PRKDC: variants seen among roughly 807,000 people sequenced by gnomAD.
PRKDC encodes DNA-dependent protein kinase catalytic subunit.
A neutral mutation model predicts 486.9 loss-of-function variants in PRKDC; 82 were observed. The observed-to-expected ratio is 0.17, with a 90% CI of 0.14 to 0.20. PRKDC has a LOEUF of 0.20. Among genes scored for constraint, PRKDC ranks in the 10% least tolerant of loss-of-function variants. PRKDC has a pLI of 1.00. For synonymous variants in PRKDC, 1,895 were observed against 1,837.0 expected (o/e 1.03, Z -0.81); for missense variants, 4,504 against 5,038.2 (o/e 0.89, Z 3.21).
chr8:47,814,965 C>T (rs369703405), intron 68 of PRKDC, among the ~76,000 whole-genome samples: 1 of 152,026 alleles, frequency 6.6e-6, no homozygotes, highest in Non-Finnish European at 1.5e-5. Flanking sequence ...GAGTTACATA[C>T]CATCCTGGGC....
rs8178083 is a variant in PRKDC at position 47,898,709 on chromosome 8, G to A, written c.3365-140C>T. ...AGATTTAATATGTTTTCATCCCTAA[G>A]AATAATAAAATTAGATAAATGATTC... On this transcript the variant is annotated intron_variant, in intron 28 of 85. Transcript: ENST00000314191. 1.4e-5 allele frequency: 7 copies of A among 506,314 alleles called. No individual in the cohort carries two copies. In the South Asian group the frequency reaches 2.0e-4, roughly 14 times the overall value. 31.4% of individuals were successfully genotyped at this position (506,314 alleles called of 1,614,324 possible). A position where few individuals can be genotyped will look rare whatever the true frequency, so the allele number is the denominator to read the frequency against.
intron 40 of PRKDC, among the ~76,000 whole-genome samples, chr8:47,865,752 T>C (rs1421044564): frequency 3.3e-5 from 5 of 152,084 alleles, no homozygotes; most frequent in African/African-American, 7.2e-5. Flanking sequence ...TTGGGTACTA[T>C]AATGGACTGA....
chr8:47,898,922 G>A (rs8178082), intron 28 of PRKDC, among the ~76,000 whole-genome samples: 1 of 152,198 alleles, frequency 6.6e-6, no homozygotes, highest in African/African-American at 2.4e-5. Context: ...AGACTTTGCA[G>A]GTATTACAAA....
chr8:47,912,611 CAA>C, intron 24 of PRKDC, 49 bp from the exon 25 acceptor site: 1 of 1,475,594 alleles, frequency 6.8e-7, no homozygotes, highest in Non-Finnish European at 9.1e-7. Context: ...ACGTTGATGA[CAA>C]GAGAATATTT....
At chr8:47,887,870 T>C (rs922695368) in intron 34 of PRKDC, among the ~76,000 whole-genome samples, 165 bp from the exon 35 acceptor site, 4 of 152,230 alleles carry the variant, frequency 2.6e-5, no homozygotes, top group African/African-American at 7.2e-5. Flanking sequence ...GTTCTTGCTA[T>C]TGTGAGACAG....
At chr8:47,834,174 C>G (rs1043266431) in intron 59 of PRKDC, 22 bp downstream of exon 59, 2 of 1,613,668 alleles carry the variant, frequency 1.2e-6, no homozygotes, top group African/African-American at 2.7e-5. Context: ...CTATTTTAAG[C>G]ACACTCAGCA....
In PRKDC at chr8:47,778,252, GATGATATCACTGATCACC is replaced by G. The variant is rs2086639857; in HGVS notation, c.11853+189_11853+206del. On this transcript the variant is annotated intron_variant, in intron 83 of 85. Transcript: ENST00000314191. ...GCGAACACATTTAATTACCGGCTCT[GATGATATCACTGATCACC>G]ATGACTTCTGTGACCTGACTGAATG... is the stretch of plus-strand genomic sequence containing the variant. Among the ~76,000 whole-genome samples, 3 of 152,280 alleles carry G rather than the reference GATGATATCACTGATCACC, an allele frequency of 2.0e-5. No homozygotes were observed. In the South Asian group the frequency reaches 6.2e-4, roughly 32 times the overall value.
At chr8:47,916,636 G>A (rs529861066) in intron 22 of PRKDC, among the ~76,000 whole-genome samples, 1 of 152,260 alleles carries the variant, frequency 6.6e-6, no homozygotes, top group African/African-American at 2.4e-5. Flanking sequence ...ACCTCAGTGT[G>A]CCTTTCAGTT....
intron 70 of PRKDC, among the ~76,000 whole-genome samples, chr8:47,801,363 T>G (rs964429732): frequency 6.6e-6 from 1 of 152,238 alleles, no homozygotes; most frequent in Admixed American, 6.5e-5. Context: ...TGAGCCAACA[T>G]GCTTGGCCTA....
At chr8:47,796,609 GT>G (rs1177283373) in intron 73 of PRKDC, among the ~76,000 whole-genome samples, 1 of 147,090 alleles carries the variant, frequency 6.8e-6, no homozygotes, top group Non-Finnish European at 1.5e-5. Context: ...TGTTGTTGTT[GT>G]TTTTTTTGAG....
chr8:47,799,389 A>T lies in PRKDC; in HGVS notation c.10118T>A (p.Val3373Glu), dbSNP rs1443805478. Residue 3373 changes from valine to glutamate, a missense_variant and splice_region_variant, in exon 72 of 86, where the codon GTG becomes GAG. Around this residue, in one of 6 missense-constraint regions of PRKDC, gnomAD observed 1,592 missense variants for 1,724.6 expected, o/e 0.92. Coordinates refer to ENST00000314191, the MANE Select transcript of PRKDC (RefSeq NM_006904.7). ...TGCTCTCTGGTACAGACCCGCGATC[A>T]CCTGGAATTCACAGAGACCTAAACC... ...SGSSSEDSEK[V>E]IAGLYQRAFQ... 1 of 1,540,590 alleles carries T rather than the reference A, an allele frequency of 6.5e-7. No homozygotes were observed. The highest frequency in any genetic ancestry group is 2.3e-5 in the East Asian group (1 of 43,918).
chr8:47,860,419 A>T (rs2088650289), intron 45 of PRKDC, among the ~76,000 whole-genome samples: 1 of 152,228 alleles, frequency 6.6e-6, no homozygotes, highest in African/African-American at 2.4e-5. Flanking sequence ...CATATGCTGG[A>T]GTGAGCAGTA....
At chr8:47,907,248 G>A (rs2089801690) in intron 25 of PRKDC, among the ~76,000 whole-genome samples, 1 of 151,118 alleles carries the variant, frequency 6.6e-6, no homozygotes, top group Non-Finnish European at 1.5e-5. Context: ...CACCGTGTTA[G>A]CCAGGATGGT....
chr8:47,830,372 T>G (rs779135701), intron 61 of PRKDC, among the ~76,000 whole-genome samples: 2 of 152,130 alleles, frequency 1.3e-5, no homozygotes, highest in Non-Finnish European at 2.9e-5. Context: ...ATAAATAACG[T>G]CTTCAGCACT....
intron 57 of PRKDC, 151 bp downstream of exon 57, chr8:47,837,061 G>A: frequency 2.4e-6 from 2 of 828,406 alleles, no homozygotes; most frequent in Non-Finnish European, 3.7e-6. Flanking sequence ...GGACCTCCAG[G>A]TGGCTGAAGC....
chr8:47,846,426 A>G (rs1031387543), intron 54 of PRKDC, among the ~76,000 whole-genome samples: 6 of 151,820 alleles, frequency 4.0e-5, no homozygotes, highest in African/African-American at 7.3e-5. Context: ...AAAAAAAAAA[A>G]AAAAAGAAAA....
At chr8:47,837,965 G>A (rs1344256026) in intron 56 of PRKDC, among the ~76,000 whole-genome samples, 1 of 151,864 alleles carries the variant, frequency 6.6e-6, no homozygotes, top group African/African-American at 2.4e-5. Flanking sequence ...GTGAAACCCC[G>A]TCTCTACTAA....
intron 26 of PRKDC, 77 bp downstream of exon 26, chr8:47,904,792 A>T: frequency 8.1e-7 from 1 of 1,235,218 alleles, no homozygotes; most frequent in Non-Finnish European, 1.2e-6. Flanking sequence ...GACTGTCTCA[A>T]AAACATAAAT....
At position 47,803,306 on chromosome 8, in the gene PRKDC, C is replaced by T. The variant is rs2087148658; in HGVS notation, c.9922G>A (p.Asp3308Asn). Residue 3308 changes from aspartate to asparagine, a missense_variant and splice_region_variant, in exon 70 of 86, where the codon GAT becomes AAT. This residue lies in a region of PRKDC where 1,592 missense variants were observed against 1,724.6 expected (regional missense o/e 0.92). Transcript: ENST00000314191. ...LTVLKTVSLL[D>N]ENNVSSYLSK... Reference sequence around the variant, plus strand: ...AAGTGGATAAAAGCGGTCAACTTACCCAACAAAGAGACTGTTTTCAGCACA... The same window carrying T: ...AAGTGGATAAAAGCGGTCAACTTACTCAACAAAGAGACTGTTTTCAGCACA... 3 of 1,604,040 alleles carry T rather than the reference C, an allele frequency of 1.9e-6. No individual in the cohort carries two copies. Among genetic ancestry groups the T allele is most frequent in the Non-Finnish European group, 2.6e-6 (3 of 1,175,498 alleles).
Sources: allele counts gnomAD v4.1 joint callset (sites outside exome capture counted in the v4.1 genomes callset), GRCh38; gene constraint gnomAD v4.1.1; regional missense constraint gnomAD v4.1.1; transcripts MANE v1.5; gene names NCBI Gene and HGNC (gene_info 2026-07-23, HGNC 2026-07-21).